Variants in PPARGC1A observed in about 807,000 individuals in gnomAD.
The protein encoded by PPARGC1A is PPARG coactivator 1 alpha.
A neutral mutation model predicts 88.7 loss-of-function variants in PPARGC1A; 25 were observed. The observed-to-expected ratio is 0.28, with a 90% CI of 0.21 to 0.39. The LOEUF is 0.39. PPARGC1A is among the 10% of genes least tolerant of loss of function. The pLI, the probability that PPARGC1A is intolerant of heterozygous loss-of-function variation, is 1.00. For synonymous variants in PPARGC1A, 363 were observed against 355.6 expected, an observed-to-expected ratio of 1.02 and a Z score of -0.24; for missense variants, 880 against 968.7, an observed-to-expected ratio of 0.91 and a Z score of 1.22.
At chr4:23,945,509 A>G in the PPARGC1A span, among the ~76,000 whole-genome samples, 1 of 152,156 alleles carries the variant, frequency 6.6e-6, no homozygotes. Flanking sequence ...GCCTCTGATG[A>G]GCAGACAAGT....
chr4:24,108,990 T>C, the PPARGC1A span, among the ~76,000 whole-genome samples: 1 of 148,900 alleles, frequency 6.7e-6, no homozygotes. Flanking sequence ...GTGGGAGCTA[T>C]AAAAATCACA....
upstream of PPARGC1A, among the ~76,000 whole-genome samples, chr4:23,908,313 A>T (rs16874348): frequency 0.027 from 4,112 of 152,280 alleles, 212 homozygotes; most frequent in African/African-American, 0.094. Context: ...AATAAAAGGA[A>T]AACTTGTAAG....
At chr4:23,983,310 C>T in the PPARGC1A span, among the ~76,000 whole-genome samples, 1 of 152,104 alleles carries the variant, frequency 6.6e-6, no homozygotes, top group African/African-American at 2.4e-5. Flanking sequence ...AGCATTGCTT[C>T]TATGAGAACA....
chr4:24,292,449 C>T, the PPARGC1A span, among the ~76,000 whole-genome samples: 3 of 151,654 alleles, frequency 2.0e-5, no homozygotes, highest in Admixed American at 1.3e-4. Context: ...GAAGGTTTCC[C>T]TCATGCCTGC....
At chr4:24,224,539 T>C in the PPARGC1A span, among the ~76,000 whole-genome samples, 5 of 152,334 alleles carry the variant, frequency 3.3e-5, no homozygotes, top group African/African-American at 1.2e-4. Context: ...TTCAAACACT[T>C]ATTCGTTCAC....
the PPARGC1A span, among the ~76,000 whole-genome samples, chr4:24,345,670 G>A: frequency 9.0e-4 from 137 of 152,162 alleles, no homozygotes; most frequent in Middle Eastern, 3.4e-3. Flanking sequence ...TTAGTTCTAG[G>A]AGCTTTCTAG....
At position 23,795,678 on chromosome 4, in the gene PPARGC1A, ATTG is replaced by A. The variant is rs1023182579; in HGVS notation, c.*141_*143del. ...TTATTGTTGTTGTTGTTCTTGTTGT[ATTG>A]TTGTTGTTTTGTTTTGTTTTTGTAC... On this transcript the variant is annotated 3_prime_UTR_variant, in exon 13 of 13. Transcript: ENST00000264867. The A allele has an allele frequency of 1.4e-5, 8 of 581,934 alleles. No individual in the cohort carries two copies. Among genetic ancestry groups the A allele is most frequent in the African/African-American group, 5.8e-5 (3 of 51,862 alleles). The allele number at this position is 581,934 out of a possible 1,614,324, so 36.0% of individuals were successfully genotyped here. A position where few individuals can be genotyped will look rare whatever the true frequency, so the allele number is the denominator to read the frequency against.
the PPARGC1A span, among the ~76,000 whole-genome samples, chr4:24,040,000 C>T: frequency 1.3e-5 from 2 of 152,124 alleles, no homozygotes; most frequent in African/African-American, 4.8e-5. Flanking sequence ...GTCACTGTTC[C>T]ACAATAGCCA....
the PPARGC1A span, among the ~76,000 whole-genome samples, chr4:24,110,666 C>G: frequency 6.6e-6 from 1 of 151,944 alleles, no homozygotes; most frequent in Non-Finnish European, 1.5e-5. Context: ...ATACAAGGTG[C>G]AAAAAAAGTT....
At chr4:24,264,440 G>A in the PPARGC1A span, among the ~76,000 whole-genome samples, 3,228 of 152,272 alleles carry the variant, frequency 0.021, 126 homozygotes, top group African/African-American at 0.073. Flanking sequence ...AAAAGGTGCC[G>A]TGAGGACTGC....
chr4:23,836,674 G>A (rs575947812), intron 2 of PPARGC1A, among the ~76,000 whole-genome samples: 1 of 152,304 alleles, frequency 6.6e-6, no homozygotes, highest in South Asian at 2.1e-4. Flanking sequence ...TCATTTAAAA[G>A]GCATAGTTGA....
chr4:24,181,233 C>T, the PPARGC1A span, among the ~76,000 whole-genome samples: 54 of 152,130 alleles, frequency 3.5e-4, no homozygotes, highest in African/African-American at 1.3e-3. Context: ...TCAGTATCTA[C>T]AAGAGTGATC....
the PPARGC1A span, among the ~76,000 whole-genome samples, chr4:24,004,999 A>T: frequency 1.3e-5 from 2 of 152,278 alleles, no homozygotes; most frequent in African/African-American, 4.8e-5. Context: ...GGCTTTCCAA[A>T]AGGATTTATG....
chr4:24,226,286 C>T, the PPARGC1A span, among the ~76,000 whole-genome samples: 46 of 152,348 alleles, frequency 3.0e-4, no homozygotes, highest in African/African-American at 1.0e-3. Context: ...GGCACCCAGC[C>T]TTCTGCATCA....
the PPARGC1A span, among the ~76,000 whole-genome samples, chr4:24,427,238 A>G: frequency 6.7e-6 from 1 of 149,576 alleles, no homozygotes; most frequent in East Asian, 2.0e-4. Context: ...TACTTAAAAT[A>G]TTTTTTTCAA....
the PPARGC1A span, among the ~76,000 whole-genome samples, chr4:24,403,996 G>T: frequency 0.031 from 4,771 of 152,240 alleles, 157 homozygotes; most frequent in East Asian, 0.14. Context: ...AGGTGAGGTG[G>T]CTCACGCCTG....
At chr4:24,384,467 G>A in the PPARGC1A span, among the ~76,000 whole-genome samples, 1 of 149,624 alleles carries the variant, frequency 6.7e-6, no homozygotes, top group South Asian at 2.1e-4. Context: ...ACCTATCAAT[G>A]TGCTGTATTC....
At chr4:24,038,174 T>C in the PPARGC1A span, among the ~76,000 whole-genome samples, 1 of 152,196 alleles carries the variant, frequency 6.6e-6, no homozygotes, top group Non-Finnish European at 1.5e-5. Context: ...ATGTCATGCA[T>C]GACCTTGTAG....
chr4:24,136,871 T>C, the PPARGC1A span, among the ~76,000 whole-genome samples: 1 of 152,024 alleles, frequency 6.6e-6, no homozygotes, highest in African/African-American at 2.4e-5. Context: ...ATCCCAGCAC[T>C]TTGGGAGGCT....
Sources: allele counts gnomAD v4.1 joint callset (sites outside exome capture counted in the v4.1 genomes callset), GRCh38; gene constraint gnomAD v4.1.1; transcripts MANE v1.5; gene names NCBI Gene and HGNC (gene_info 2026-07-23, HGNC 2026-07-21).